Variants in FAM135B observed in about 807,000 individuals in gnomAD.
The protein encoded by FAM135B is family with sequence similarity 135 member B.
FAM135B carries 43 observed loss-of-function variants against 127.7 expected under a neutral mutation model. That is an observed-to-expected ratio of 0.34 (90% CI 0.26 to 0.43). FAM135B has a LOEUF of 0.43. Among genes scored for constraint, FAM135B ranks in the 20% least tolerant of loss-of-function variants. FAM135B has a pLI of 1.00. For missense variants in FAM135B, 1,558 were observed against 1,725.6 expected (o/e 0.90, Z 1.72); for synonymous variants, 670 against 665.1 (o/e 1.01, Z -0.11).
chr8:138,302,014 T>C (rs1045622790), intron 3 of FAM135B, among the ~76,000 whole-genome samples: 4 of 152,192 alleles, frequency 2.6e-5, no homozygotes. Context: ...TTCCAGTCCA[T>C]GCAACTTCCC....
chr8:138,478,056 A>G (rs527318346), intron 1 of FAM135B, among the ~76,000 whole-genome samples: 1 of 152,250 alleles, frequency 6.6e-6, no homozygotes, highest in Non-Finnish European at 1.5e-5. Context: ...TGGATAAGCC[A>G]TGTCGTGAGG....
At chr8:138,316,485 C>A (rs931311240) in intron 2 of FAM135B, among the ~76,000 whole-genome samples, 2 of 148,654 alleles carry the variant, frequency 1.3e-5, no homozygotes, top group African/African-American at 5.2e-5. Context: ...CAGAACGAGA[C>A]TCCGTCTCAA....
chr8:138,323,072 AC>A (rs1192465856), intron 2 of FAM135B, among the ~76,000 whole-genome samples: 6 of 152,248 alleles, frequency 3.9e-5, no homozygotes, highest in Non-Finnish European at 8.8e-5. Flanking sequence ...TTACTGACAT[AC>A]TTTTCCAAGG....
At chr8:138,433,439 A>C (rs1835301061) in intron 1 of FAM135B, among the ~76,000 whole-genome samples, 1 of 151,830 alleles carries the variant, frequency 6.6e-6, no homozygotes, top group South Asian at 2.1e-4. Context: ...AAGAGGATCA[A>C]TTGAACCCGG....
At chr8:138,264,294 G>T (rs1474782501) in intron 4 of FAM135B, among the ~76,000 whole-genome samples, 1 of 152,156 alleles carries the variant, frequency 6.6e-6, no homozygotes, top group Non-Finnish European at 1.5e-5. Context: ...AATCATCTTG[G>T]GTGAAGGTTG....
At chr8:138,427,273 TTATA>T (rs34227349) in intron 1 of FAM135B, among the ~76,000 whole-genome samples, 4 of 146,318 alleles carry the variant, frequency 2.7e-5, no homozygotes, top group East Asian at 2.0e-4. Context: ...TTCATCAAGA[TTATA>T]TATATATATA....
chr8:138,442,307 A>G (rs1295752193), intron 1 of FAM135B, among the ~76,000 whole-genome samples: 1 of 133,636 alleles, frequency 7.5e-6, no homozygotes, highest in African/African-American at 2.8e-5. Flanking sequence ...ATATCTTTTT[A>G]TAGGCACAAT....
rs189355047 is a variant in FAM135B at position 138,189,881 on chromosome 8, C to T, written c.873+5377G>A. On this transcript the variant is annotated intron_variant, in intron 9 of 19. Coordinates refer to ENST00000395297, the MANE Select transcript of FAM135B (RefSeq NM_015912.4). ...AACAACAAGGAAGGGGTCCCAGATG[C>T]GGGAGAACAATTGTTTTGAGACATG... Among the ~76,000 whole-genome samples the T allele has an allele frequency of 7.5e-4, 114 of 152,264 alleles. 1 individual carries two copies. The highest frequency in any genetic ancestry group is 2.6e-3 in the African/African-American group (108 of 41,556).
At chr8:138,435,986 T>C (rs1310328352) in intron 1 of FAM135B, among the ~76,000 whole-genome samples, 1 of 152,212 alleles carries the variant, frequency 6.6e-6, no homozygotes, top group Non-Finnish European at 1.5e-5. Flanking sequence ...CTTTCTACCA[T>C]CCTGCCCTTC....
intron 3 of FAM135B, among the ~76,000 whole-genome samples, chr8:138,288,927 T>C (rs915201129): frequency 6.6e-6 from 1 of 152,208 alleles, no homozygotes; most frequent in Non-Finnish European, 1.5e-5. Context: ...GTCTGCAGTA[T>C]ACACAGATGT....
At chr8:138,365,012 GA>G (rs1275763335) in intron 2 of FAM135B, among the ~76,000 whole-genome samples, 2 of 151,940 alleles carry the variant, frequency 1.3e-5, no homozygotes, top group Admixed American at 1.3e-4. Flanking sequence ...ACTCTCAGGT[GA>G]TTTTTGAATT....
intron 8 of FAM135B, among the ~76,000 whole-genome samples, chr8:138,196,656 T>C (rs1275633730): frequency 6.6e-6 from 1 of 152,208 alleles, no homozygotes; most frequent in Non-Finnish European, 1.5e-5. Flanking sequence ...GAAGTCAATG[T>C]ACCCAGCAGG....
intron 6 of FAM135B, among the ~76,000 whole-genome samples, chr8:138,245,707 T>C (rs4404925): frequency 0.72 from 108,786 of 152,090 alleles, 39,870 homozygotes; most frequent in African/African-American, 0.86. Context: ...GAGTGGGGTG[T>C]TGCTATAAGG....
intron 1 of FAM135B, among the ~76,000 whole-genome samples, chr8:138,393,991 G>T (rs1832729081): frequency 6.6e-6 from 1 of 152,180 alleles, no homozygotes; most frequent in Non-Finnish European, 1.5e-5. Context: ...GAACCAAGCA[G>T]CTGGCATGCC....
chr8:138,153,325 C>T lies in FAM135B; in HGVS notation c.1259-109G>A, dbSNP rs552945588. 1.5e-3 allele frequency: 1,235 copies of T among 850,894 alleles called. 6 individuals carry two copies. The highest frequency in any genetic ancestry group is 7.0e-3 in the South Asian group (314 of 44,768). The allele number at this position is 850,894 out of a possible 1,614,324, so 52.7% of individuals were successfully genotyped here. A position where few individuals can be genotyped will look rare whatever the true frequency, so the allele number is the denominator to read the frequency against. ...AGAATTTAGCTATGTGGACTCGGTTCGAAGATGGGAGAATAGGAAGAGCTC... is the reference window on the plus strand; with the variant it reads ...AGAATTTAGCTATGTGGACTCGGTTTGAAGATGGGAGAATAGGAAGAGCTC... On this transcript the variant is annotated intron_variant, in intron 12 of 19. Coordinates refer to ENST00000395297, the MANE Select transcript of FAM135B (RefSeq NM_015912.4).
At chr8:138,307,350 A>G (rs1319072808) in intron 3 of FAM135B, among the ~76,000 whole-genome samples, 4 of 152,202 alleles carry the variant, frequency 2.6e-5, no homozygotes, top group Admixed American at 2.0e-4. Flanking sequence ...GTGCAGAACT[A>G]TAAGTCTAAT....
At chr8:138,262,986 GAAGAGTC>G (rs990958639) in intron 4 of FAM135B, among the ~76,000 whole-genome samples, 3 of 150,550 alleles carry the variant, frequency 2.0e-5, no homozygotes, top group African/African-American at 7.3e-5. Flanking sequence ...TCCTAGGCCT[GAAGAGTC>G]AAGCAGAGAC....
At chr8:138,134,553 T>C (rs1816470919) in intron 19 of FAM135B, among the ~76,000 whole-genome samples, 1 of 152,022 alleles carries the variant, frequency 6.6e-6, no homozygotes, top group Non-Finnish European at 1.5e-5. Context: ...TTTAAATTGA[T>C]GGACTTTTGG....
chr8:138,390,377 G>A lies in FAM135B; in HGVS notation c.-19-22375C>T, dbSNP rs536950494. 6.6e-5 allele frequency among the ~76,000 whole-genome samples: 10 copies of A among 151,712 alleles called. No individual in the cohort carries two copies. In the East Asian group the frequency reaches 9.7e-4, roughly 15 times the overall value. On this transcript the variant is annotated intron_variant, in intron 1 of 19. Transcript: ENST00000395297. The stretch of plus-strand genomic sequence containing the variant: ...ATAAGGGGAAACCCCTTTTTGCTTG[G>A]TTCTCATTCTCTCTTGTCTGCCGTC...
Sources: allele counts gnomAD v4.1 joint callset (sites outside exome capture counted in the v4.1 genomes callset), GRCh38; gene constraint gnomAD v4.1.1; transcripts MANE v1.5; gene names NCBI Gene and HGNC (gene_info 2026-07-23, HGNC 2026-07-21).